C17orf67: variants seen among roughly 807,000 people sequenced by gnomAD.
C17orf67 encodes the protein chromosome 17 open reading frame 67.
In C17orf67, 12 loss-of-function variants were observed where a neutral mutation model predicts 11.2. The ratio of observed to expected loss-of-function variants is 1.07; its 90% CI spans 0.68 to 1.73. The LOEUF (loss-of-function observed/expected upper bound fraction) is 1.73. Among genes scored for constraint, C17orf67 ranks in the 40% most tolerant of loss-of-function variants. C17orf67 has a pLI of 0.00. For missense variants in C17orf67, 115 were observed against 113.5 expected (o/e 1.01, Z -0.06); for synonymous variants, 59 against 46.9 (o/e 1.26, Z -1.05).
chr17:56,809,120 G>A lies in C17orf67; in HGVS notation c.156+5749C>T, dbSNP rs538916864. On this transcript the variant is annotated intron_variant, in intron 6 of 7. Coordinates refer to ENST00000397861, the MANE Select transcript of C17orf67 (RefSeq NM_001085430.4). ...CTCATTTGCCCAAGTCCACTTGTTT[G>A]TCTCCTGGGTACCATGGCAAGAAGG... 7.9e-5 allele frequency among the ~76,000 whole-genome samples: 12 copies of A among 152,064 alleles called. No homozygotes were observed. In the South Asian group the frequency reaches 2.5e-3, roughly 32 times the overall value.
At chr17:56,831,762 G>A (rs1229976606) in intron 2 of C17orf67, among the ~76,000 whole-genome samples, 1 of 152,082 alleles carries the variant, frequency 6.6e-6, no homozygotes, top group Non-Finnish European at 1.5e-5. Flanking sequence ...TGTCTATGCA[G>A]GTCCACGTGC....
At chr17:56,803,838 T>C (rs1415301378) in intron 6 of C17orf67, 2 of 152,230 alleles carry the variant, frequency 1.3e-5, no homozygotes, top group African/African-American at 4.8e-5. Flanking sequence ...AAATGAGCAC[T>C]GGTTTCCATG....
chr17:56,804,467 G>A (rs148979508), intron 6 of C17orf67, among the ~76,000 whole-genome samples: 14 of 152,314 alleles, frequency 9.2e-5, no homozygotes, highest in African/African-American at 1.2e-4. Flanking sequence ...TGAAGGCTCC[G>A]TCCTAAAGAA....
At chr17:56,799,289 T>C (rs1221281849) in intron 6 of C17orf67, among the ~76,000 whole-genome samples, 1 of 152,230 alleles carries the variant, frequency 6.6e-6, no homozygotes, top group Non-Finnish European at 1.5e-5. Flanking sequence ...CTCTATAGTT[T>C]TGCCTTTCCC....
chr17:56,831,866 G>C (rs1215468858), intron 2 of C17orf67, among the ~76,000 whole-genome samples: 1 of 152,158 alleles, frequency 6.6e-6, no homozygotes, highest in Non-Finnish European at 1.5e-5. Flanking sequence ...CTCCACCTTG[G>C]CCTATGAAAT....
At chr17:56,797,303 C>CT (rs759054649) in intron 6 of C17orf67, among the ~76,000 whole-genome samples, 2 of 152,026 alleles carry the variant, frequency 1.3e-5, no homozygotes, top group African/African-American at 2.4e-5. Context: ...GTGGAGAACC[C>CT]TTAGAGGAGC....
At chr17:56,832,410 A>G (rs970636509) in intron 2 of C17orf67, among the ~76,000 whole-genome samples, 2 of 152,184 alleles carry the variant, frequency 1.3e-5, no homozygotes, top group Non-Finnish European at 2.9e-5. Flanking sequence ...CAACAACAAC[A>G]AAAAACTAAA....
intron 6 of C17orf67, among the ~76,000 whole-genome samples, chr17:56,808,157 C>T (rs961589243): frequency 1.3e-5 from 2 of 152,100 alleles, no homozygotes; most frequent in Admixed American, 1.3e-4. Context: ...CATTCCCTTG[C>T]TCTCTTGTCA....
intron 4 of C17orf67, among the ~76,000 whole-genome samples, chr17:56,817,621 T>C (rs1301291732): frequency 1.3e-5 from 2 of 151,874 alleles, no homozygotes; most frequent in Non-Finnish European, 2.9e-5. Context: ...GCCCAGCTGA[T>C]TTTTTTTCTT....
chr17:56,801,222 G>T (rs942974154), intron 6 of C17orf67, among the ~76,000 whole-genome samples: 1 of 152,284 alleles, frequency 6.6e-6, no homozygotes, highest in South Asian at 2.1e-4. Flanking sequence ...CATACAAACA[G>T]CAGGCCAATA....
At chr17:56,831,594 G>A (rs946766031) in intron 2 of C17orf67, among the ~76,000 whole-genome samples, 6 of 152,120 alleles carry the variant, frequency 3.9e-5, no homozygotes, top group African/African-American at 1.4e-4. Context: ...AGATTCCAAG[G>A]GGTGAATGAA....
At chr17:56,825,946 T>TGC in intron 2 of C17orf67, among the ~76,000 whole-genome samples, 1 of 83,968 alleles carries the variant, frequency 1.2e-5, no homozygotes, top group Non-Finnish European at 2.5e-5. Flanking sequence ...AACCTGTGAG[T>TGC]GTGTGTGTGT....
chr17:56,798,468 C>A (rs914744812), intron 6 of C17orf67, among the ~76,000 whole-genome samples: 4 of 152,098 alleles, frequency 2.6e-5, no homozygotes, highest in Non-Finnish European at 1.5e-5. Context: ...ACAGTTGATG[C>A]ACCTGCATTG....
intron 2 of C17orf67, 30 bp downstream of exon 2, chr17:56,832,868 A>G (rs1371765133): frequency 6.6e-6 from 1 of 152,266 alleles, no homozygotes; most frequent in Non-Finnish European, 1.5e-5. Context: ...ATATATATGC[A>G]CACATAATAA....
intron 2 of C17orf67, among the ~76,000 whole-genome samples, chr17:56,828,811 C>T (rs1249748781): frequency 1.4e-5 from 2 of 139,328 alleles, no homozygotes; most frequent in Non-Finnish European, 3.0e-5. Context: ...TGGATTCACA[C>T]ATGGAGGAGA....
chr17:56,827,538 G>C (rs1906070658), intron 2 of C17orf67, among the ~76,000 whole-genome samples: 1 of 152,240 alleles, frequency 6.6e-6, no homozygotes, highest in African/African-American at 2.4e-5. Flanking sequence ...TATCTTTAAT[G>C]GTTTAATTTC....
At chr17:56,819,161 C>G (rs1905837369) in intron 4 of C17orf67, among the ~76,000 whole-genome samples, 1 of 152,078 alleles carries the variant, frequency 6.6e-6, no homozygotes, top group Non-Finnish European at 1.5e-5. Context: ...TTACTCCAAC[C>G]ACTCCCCTCC....
At chr17:56,828,071 C>T (rs1456152973) in intron 2 of C17orf67, among the ~76,000 whole-genome samples, 3 of 147,238 alleles carry the variant, frequency 2.0e-5, no homozygotes, top group Non-Finnish European at 3.0e-5. Context: ...TCAGTGTACC[C>T]GCACTCCAGC....
intron 7 of C17orf67, 91 bp downstream of exon 7, chr17:56,794,952 CT>C (rs938882803): frequency 1.6e-5 from 14 of 872,466 alleles, no homozygotes; most frequent in African/African-American, 1.5e-4. Flanking sequence ...GCTGGCCCCC[CT>C]GAGGCATGGT....
Sources: allele counts gnomAD v4.1 joint callset (sites outside exome capture counted in the v4.1 genomes callset), GRCh38; gene constraint gnomAD v4.1.1; transcripts MANE v1.5; gene names NCBI Gene and HGNC (gene_info 2026-07-23, HGNC 2026-07-21).